SMAD1: variants seen among roughly 807,000 people sequenced by gnomAD.
SMAD1 encodes SMAD family member 1.
SMAD1 carries 6 observed loss-of-function variants against 41.6 expected under a neutral mutation model. That is an observed-to-expected ratio of 0.14 (90% CI 0.08 to 0.28). The LOEUF (loss-of-function observed/expected upper bound fraction) is 0.28. SMAD1 is among the 10% of genes least tolerant of loss of function. The pLI, the probability that SMAD1 is intolerant of heterozygous loss-of-function variation, is 1.00. For missense variants in SMAD1, 379 were observed against 582.6 expected (o/e 0.65, Z 3.60); for synonymous variants, 206 against 203.2 (o/e 1.01, Z -0.12).
chr4:145,521,899 G>GT (rs1191832565), intron 2 of SMAD1, among the ~76,000 whole-genome samples: 5 of 116,724 alleles, frequency 4.3e-5, no homozygotes, highest in Admixed American at 8.5e-5. Flanking sequence ...ATGGTTTTCT[G>GT]TAAAAAAAAA....
At chr4:145,492,294 CA>C (rs1222355995) in intron 1 of SMAD1, among the ~76,000 whole-genome samples, 3 of 152,240 alleles carry the variant, frequency 2.0e-5, no homozygotes, top group Non-Finnish European at 4.4e-5. Flanking sequence ...CCACCTCCAA[CA>C]TAAGTCCAGG....
chr4:145,482,481 G>C lies in SMAD1; in HGVS notation c.-177+443G>C, dbSNP rs1290188564. 1 of 152,022 alleles carries C rather than the reference G, an allele frequency of 6.6e-6. No homozygotes were observed. The highest frequency in any genetic ancestry group is 1.5e-5 in the Non-Finnish European group (1 of 67,990). 9.4% of individuals were successfully genotyped at this position (152,022 alleles called of 1,614,324 possible). ...CCGAGGCCCGTTCGCGTGGCCCGCG[G>C]ACCCATTGTGTCCCCCGCGCCGGCG... On this transcript the variant is annotated intron_variant, in intron 1 of 6. Coordinates refer to ENST00000302085, the MANE Select transcript of SMAD1 (RefSeq NM_005900.3). This position sits in a 1 kb window ranked among gnomAD's most constrained non-coding sequence, Gnocchi z 4.2.
chr4:145,488,456 A>G (rs1728602939), intron 1 of SMAD1, among the ~76,000 whole-genome samples: 1 of 150,062 alleles, frequency 6.7e-6, no homozygotes, highest in Non-Finnish European at 1.5e-5. Context: ...CTATTCATGT[A>G]TTATCCTCTC....
At chr4:145,509,295 G>C (rs1729951978) in intron 1 of SMAD1, among the ~76,000 whole-genome samples, 1 of 152,198 alleles carries the variant, frequency 6.6e-6, no homozygotes, top group African/African-American at 2.4e-5. Context: ...CAGTATGTTA[G>C]ACATGTTTGC....
intron 5 of SMAD1, among the ~76,000 whole-genome samples, chr4:145,551,306 C>A (rs1315796008): frequency 6.6e-6 from 1 of 152,088 alleles, no homozygotes; most frequent in Non-Finnish European, 1.5e-5. Context: ...GAAAGAGAAA[C>A]CCTGACCTCA....
chr4:145,519,942 C>A (rs1039872799), intron 2 of SMAD1, among the ~76,000 whole-genome samples: 1 of 152,068 alleles, frequency 6.6e-6, no homozygotes, highest in South Asian at 2.1e-4. Context: ...CAATAATGTC[C>A]GCCAGGTGTC....
intron 1 of SMAD1, among the ~76,000 whole-genome samples, chr4:145,507,215 C>A (rs1729837220): frequency 6.7e-6 from 1 of 150,222 alleles, no homozygotes; most frequent in African/African-American, 2.4e-5. Flanking sequence ...GCTTCGAAAA[C>A]CTTTTTATAA....
chr4:145,534,174 C>T (rs955536923), intron 2 of SMAD1, among the ~76,000 whole-genome samples: 2 of 152,310 alleles, frequency 1.3e-5, no homozygotes, highest in East Asian at 3.9e-4. Flanking sequence ...CTTTGGATTT[C>T]CAGCCTTCAC....
intron 5 of SMAD1, among the ~76,000 whole-genome samples, chr4:145,547,871 G>T (rs953239315): frequency 6.7e-6 from 1 of 150,100 alleles, no homozygotes; most frequent in Non-Finnish European, 1.5e-5. Flanking sequence ...ATGTATATGC[G>T]TTTTTACTTG....
At chr4:145,484,768 A>T (rs1022506933) in intron 1 of SMAD1, 8 of 152,156 alleles carry the variant, frequency 5.3e-5, no homozygotes, top group African/African-American at 1.9e-4. Flanking sequence ...GCTTCATGTG[A>T]GTTTGAATTT....
intron 1 of SMAD1, among the ~76,000 whole-genome samples, chr4:145,508,905 C>A (rs921993269): frequency 6.6e-6 from 1 of 152,178 alleles, no homozygotes; most frequent in African/African-American, 2.4e-5. Context: ...GGAGCTCCGT[C>A]CTCATGACCT....
Position 145,546,864 on chromosome 4 carries a change from C to T in SMAD1, c.937C>T (p.Leu313=), listed in dbSNP as rs1344371768. 6.2e-6 allele frequency: 10 copies of T among 1,614,180 alleles called. No individual in the cohort carries two copies. The highest frequency in any genetic ancestry group is 8.5e-6 in the Non-Finnish European group (10 of 1,180,002). ...CAATAAGAACCGTTTCTGCCTTGGG[C>T]TGCTCTCCAATGTTAACCGGAATTC... ...SNNKNRFCLG[L]LSNVNRNSTI... is the part of the protein sequence containing the mutation. The change falls in exon 5 of 7, where the codon CTG becomes TTG. Residue 313 remains leucine, a synonymous_variant. Coordinates refer to ENST00000302085, the MANE Select transcript of SMAD1 (RefSeq NM_005900.3).
intron 5 of SMAD1, among the ~76,000 whole-genome samples, chr4:145,547,977 C>A (rs1241648119): frequency 1.3e-5 from 2 of 152,094 alleles, no homozygotes. Flanking sequence ...TCGCTAATAC[C>A]ATGTCCCACT....
intron 1 of SMAD1, among the ~76,000 whole-genome samples, chr4:145,509,564 T>C (rs1008919570): frequency 2.6e-5 from 4 of 152,200 alleles, no homozygotes; most frequent in South Asian, 4.1e-4. Flanking sequence ...TTAAAAATTA[T>C]TGCTTAAAAT....
chr4:145,546,499 A>G (rs944202906), intron 4 of SMAD1: 19 of 552,564 alleles, frequency 3.4e-5, no homozygotes, highest in Middle Eastern at 4.7e-4. Context: ...TTGTTCTCCA[A>G]TTTTCTCCAA....
intron 4 of SMAD1, chr4:145,544,829 C>T (rs960743289): frequency 6.6e-6 from 1 of 151,970 alleles, no homozygotes. Context: ...TATTTGGGGA[C>T]CAGGATACCA....
intron 6 of SMAD1, among the ~76,000 whole-genome samples, 175 bp from the exon 7 acceptor site, chr4:145,557,616 G>A (rs1732912598): frequency 6.6e-6 from 1 of 152,136 alleles, no homozygotes. Context: ...GAAATTGCCT[G>A]CGAAATTATG....
Position 145,542,630 on chromosome 4 carries a change from A to G in SMAD1, c.707A>G (p.Gln236Arg), listed in dbSNP as rs746555376. The stretch of plus-strand genomic sequence containing the variant: ...CTGCCTCCTGAAGACCCCATGACCC[A>G]GGATGGCTCTCAGCCGATGGACACA... ...AYLPPEDPMT[Q>R]DGSQPMDTNM... Residue 236 changes from glutamine to arginine, a missense_variant, in exon 4 of 7, where the codon CAG becomes CGG. This residue lies in a region of SMAD1 where 208 missense variants were observed against 210.5 expected (regional missense o/e 0.99). Transcript: ENST00000302085. 1.2e-6 allele frequency: 2 copies of G among 1,613,676 alleles called. No homozygotes were observed. The highest frequency in any genetic ancestry group is 3.3e-5 in the Admixed American group (2 of 59,920).
intron 2 of SMAD1, among the ~76,000 whole-genome samples, chr4:145,522,541 G>C (rs1298390264): frequency 6.6e-6 from 1 of 152,050 alleles, no homozygotes; most frequent in African/African-American, 2.4e-5. Flanking sequence ...GGAGGTTGTG[G>C]TGAGCCAAGA....
Sources: gnomAD v4.1 joint callset for allele counts (sites outside exome capture counted in the v4.1 genomes callset) on GRCh38, gnomAD v4.1.1 for gene constraint, gnomAD v4.1.1 regional missense constraint, Gnocchi (gnomAD v3.1) non-coding constraint, MANE v1.5 for transcripts, NCBI Gene and HGNC (gene_info 2026-07-23, HGNC 2026-07-21) for gene names.